The following SERPINB4 variants were observed in gnomAD, a reference collection of about 807,000 sequenced individuals.
The protein encoded by SERPINB4 is serpin B4.
A neutral mutation model predicts 33.2 loss-of-function variants in SERPINB4; 39 were observed. The ratio of observed to expected loss-of-function variants is 1.18; its 90% CI spans 0.91 to 1.53. The LOEUF (loss-of-function observed/expected upper bound fraction) is 1.53, where lower values mean the gene tolerates loss of function less well. Ranked by LOEUF, SERPINB4 falls within the 40% of genes most tolerant of loss-of-function variation. SERPINB4 has a pLI of 0.00. For missense variants in SERPINB4, 564 were observed against 455.4 expected, an observed-to-expected ratio of 1.24 and a Z score of -2.17; for synonymous variants, 191 against 166.4, an observed-to-expected ratio of 1.15 and a Z score of -1.14.
intron 3 of SERPINB4, 79 bp downstream of exon 3, chr18:63,643,082 T>C (rs554241743): frequency 1.3e-6 from 2 of 1,585,064 alleles, no homozygotes; most frequent in African/African-American, 2.7e-5. Flanking sequence ...TGGCCTTTTC[T>C]TAGTTTTTGT....
intron 2 of SERPINB4, 24 bp downstream of exon 2, chr18:63,643,389 C>G: frequency 6.2e-7 from 1 of 1,613,358 alleles, no homozygotes; most frequent in Non-Finnish European, 8.5e-7. Context: ...TGCAACAGGA[C>G]AACGTAATGA....
Position 63,637,525 on chromosome 18 carries a change from T to C in SERPINB4, c.*194A>G, listed in dbSNP as rs1310284470. The C allele has an allele frequency of 5.5e-6, 3 of 543,056 alleles. No homozygotes were observed. Among genetic ancestry groups the C allele is most frequent in the Admixed American group, 7.4e-5 (2 of 27,080 alleles). 33.6% of individuals were successfully genotyped at this position (543,056 alleles called of 1,614,324 possible). ...AAATTTTTCTGGAAGGAAAAGTACA[T>C]TTATATGTGGGCTTATTAAGAGAAA... On this transcript the variant is annotated 3_prime_UTR_variant, in exon 8 of 8. Transcript: ENST00000341074.
At chr18:63,641,630 TA>T in intron 4 of SERPINB4, 129 bp downstream of exon 4, 1 of 1,357,932 alleles carries the variant, frequency 7.4e-7, no homozygotes, top group Non-Finnish European at 1.1e-6. Flanking sequence ...GAAATGGAGC[TA>T]ATGCACTCTG....
At chr18:63,641,698 G>C (rs1349362728) in intron 4 of SERPINB4, 62 bp downstream of exon 4, 1 of 1,610,716 alleles carries the variant, frequency 6.2e-7, no homozygotes, top group Non-Finnish European at 8.5e-7. Flanking sequence ...TCTTCCATTT[G>C]GCCACTCAGA....
At chr18:63,638,237 A>C in intron 7 of SERPINB4, 114 bp from the exon 8 acceptor site, 1 of 1,207,660 alleles carries the variant, frequency 8.3e-7, no homozygotes, top group South Asian at 1.6e-5. Context: ...TGAAATACAG[A>C]AGGTTCACTT....
At chr18:63,643,304 C>G in intron 2 of SERPINB4, 87 bp from the exon 3 acceptor site, 8 of 1,611,158 alleles carry the variant, frequency 5.0e-6, no homozygotes, top group Non-Finnish European at 6.8e-6. Context: ...AATTCCTGCA[C>G]AGCCCCCTGT....
chr18:63,637,923 G>C lies in SERPINB4; in HGVS notation c.969C>G (p.Leu323=). 3 of 1,613,634 alleles carry C rather than the reference G, an allele frequency of 1.9e-6. No homozygotes were observed. ...DLSGMTWSHG[L]SVSKVLHKAF... Reference sequence around the variant, plus strand: ...CCTTGTGTAGGACTTTAGATACTGAGAGACCGTGGCTCCAGGTCATGCCTG... The same window carrying C: ...CCTTGTGTAGGACTTTAGATACTGACAGACCGTGGCTCCAGGTCATGCCTG... The change falls in exon 8 of 8, where the codon CTC becomes CTG. Residue 323 remains leucine (L), a synonymous_variant. Coordinates refer to ENST00000341074, the MANE Select transcript of SERPINB4 (RefSeq NM_002974.4).
At chr18:63,642,924 C>T (rs757605474) in intron 3 of SERPINB4, 11 of 526,640 alleles carry the variant, frequency 2.1e-5, no homozygotes, top group Non-Finnish European at 3.4e-5. Flanking sequence ...GAGTCTGAAC[C>T]CAGCCTATCC....
chr18:63,638,316 G>A (rs1364452089), intron 7 of SERPINB4, among the ~76,000 whole-genome samples, 193 bp from the exon 8 acceptor site: 1 of 151,926 alleles, frequency 6.6e-6, no homozygotes, highest in Non-Finnish European at 1.5e-5. Context: ...GGTTATATGT[G>A]TATATGTATA....
intron 3 of SERPINB4, among the ~76,000 whole-genome samples, chr18:63,642,645 G>C (rs1326018671): frequency 6.6e-6 from 1 of 151,900 alleles, no homozygotes; most frequent in Non-Finnish European, 1.5e-5. Flanking sequence ...AATATACTTG[G>C]ACTTGTGCTT....
In SERPINB4 at chr18:63,639,171, A is replaced by G. The variant is rs1568162805; in HGVS notation, c.768+14T>C. The G allele has an allele frequency of 6.3e-7, 1 of 1,582,134 alleles. No homozygotes were observed. Among genetic ancestry groups the G allele is most frequent in the East Asian group, 2.3e-5 (1 of 44,382 alleles). ...CCGGCAGTAGAAGGAAGAGTTGTAG[A>G]TGCAAGTTCTTACCTTCTGCAGACC... On this transcript the variant is annotated intron_variant, in intron 7 of 7. Coordinates refer to ENST00000341074, the MANE Select transcript of SERPINB4 (RefSeq NM_002974.4).
At chr18:63,643,922 G>A (rs1913228165) in intron 1 of SERPINB4, among the ~76,000 whole-genome samples, 1 of 151,904 alleles carries the variant, frequency 6.6e-6, no homozygotes, top group Non-Finnish European at 1.5e-5. Flanking sequence ...AGACCTCTGT[G>A]GATCACATCC....
chr18:63,639,849 T>C lies in SERPINB4; in HGVS notation c.470-73A>G, dbSNP rs73962309. 15,266 of 1,371,090 alleles carry C rather than the reference T, an allele frequency of 0.011. 1,003 individuals carry two copies. The African/African-American group carries it at 0.17, about 15-fold the overall frequency. The allele number at this position is 1,371,090 out of a possible 1,614,324, so 84.9% of individuals were successfully genotyped here. A position where few individuals can be genotyped will look rare whatever the true frequency, so the allele number is the denominator to read the frequency against. On this transcript the variant is annotated intron_variant, in intron 5 of 7. Transcript: ENST00000341074. ...TTGTCTGGAAGATGCTTTGCAAATG[T>C]TCGTGACTGATCGTTAATTATTGAC...
chr18:63,640,756 T>C, intron 5 of SERPINB4, 118 bp downstream of exon 5: 1 of 810,758 alleles, frequency 1.2e-6, no homozygotes, highest in South Asian at 1.7e-5. Flanking sequence ...AGTGCCCTCT[T>C]CAGCCCTCCC....
chr18:63,643,063 C>G, intron 3 of SERPINB4, 98 bp downstream of exon 3: 1 of 1,463,376 alleles, frequency 6.8e-7, no homozygotes. Context: ...CCAAGATTTT[C>G]CCTAAAACTG....
At chr18:63,643,710 A>C in intron 1 of SERPINB4, 107 bp from the exon 2 acceptor site, 3 of 1,272,328 alleles carry the variant, frequency 2.4e-6, no homozygotes, top group Non-Finnish European at 3.3e-6. Flanking sequence ...AGATTTTGAC[A>C]TTTAAAGTTT....
At chr18:63,642,749 A>G (rs1913178034) in intron 3 of SERPINB4, 1 of 160,152 alleles carries the variant, frequency 6.2e-6, no homozygotes, top group Non-Finnish European at 1.4e-5. Flanking sequence ...AATAATAATA[A>G]CATTTATTAT....
At chr18:63,641,985 T>C in intron 3 of SERPINB4, 97 bp from the exon 4 acceptor site, 6 of 1,544,752 alleles carry the variant, frequency 3.9e-6, no homozygotes, top group Non-Finnish European at 5.3e-6. Flanking sequence ...ATGCTGGTAG[T>C]CTCATTGAGG....
At chr18:63,641,400 A>G (rs1420632343) in intron 4 of SERPINB4, among the ~76,000 whole-genome samples, 2 of 152,104 alleles carry the variant, frequency 1.3e-5, no homozygotes. Flanking sequence ...GAACTCACCC[A>G]AGCCTGCCCA....
Sources: gnomAD v4.1 joint callset for allele counts (sites outside exome capture counted in the v4.1 genomes callset) on GRCh38, gnomAD v4.1.1 for gene constraint, MANE v1.5 for transcripts, NCBI Gene and HGNC (gene_info 2026-07-23, HGNC 2026-07-21) for gene names.